The following ZPBP variants were observed in gnomAD, a reference collection of about 807,000 sequenced individuals.
The protein encoded by ZPBP is zona pellucida-binding protein 1.
A neutral mutation model predicts 44.8 loss-of-function variants in ZPBP; 26 were observed. The observed-to-expected ratio is 0.58, with a 90% CI of 0.43 to 0.81. The LOEUF (loss-of-function observed/expected upper bound fraction) is 0.81. Among genes scored for constraint, ZPBP ranks in the 30% least tolerant of loss-of-function variants. The pLI, the probability that ZPBP is intolerant of heterozygous loss-of-function variation, is 0.00. For synonymous variants in ZPBP, 174 were observed against 153.2 expected (o/e 1.14, Z -1.00); for missense variants, 409 against 434.0 (o/e 0.94, Z 0.51).
chr7:49,847,593 A>C (rs1209402150), downstream of ZPBP, among the ~76,000 whole-genome samples: 1 of 152,372 alleles, frequency 6.6e-6, no homozygotes, highest in East Asian at 1.9e-4. Context: ...ATATCCCAAG[A>C]GAAGAGGGTG....
At chr7:49,877,481 A>AAAAAAATATATAT in intron 2 of ZPBP, among the ~76,000 whole-genome samples, 1 of 12,722 alleles carries the variant, frequency 7.9e-5, no homozygotes, top group African/African-American at 2.8e-4. Flanking sequence ...AAAAAAAAAA[A>AAAAAAATATATAT]ATATATATAT....
downstream of ZPBP, among the ~76,000 whole-genome samples, chr7:49,846,707 G>A (rs1789956573): frequency 1.3e-5 from 2 of 152,162 alleles, no homozygotes; most frequent in South Asian, 2.1e-4. Flanking sequence ...AAAGAGCAAA[G>A]AGCAGATAAT....
intron 3 of ZPBP, among the ~76,000 whole-genome samples, chr7:50,080,896 C>A (rs552969424): frequency 6.6e-6 from 1 of 151,716 alleles, no homozygotes; most frequent in African/African-American, 2.4e-5. Flanking sequence ...CCTAGCACAG[C>A]GGCTTCCACC....
chr7:50,021,832 C>CTG (rs1477942530), intron 5 of ZPBP, among the ~76,000 whole-genome samples: 1 of 152,122 alleles, frequency 6.6e-6, no homozygotes, highest in Non-Finnish European at 1.5e-5. Flanking sequence ...ATGCCTTGCC[C>CTG]TGTGCATCTT....
In ZPBP at chr7:49,857,330, A is replaced by G. The variant is rs188325853; in HGVS notation, n.510-6816T>C. The stretch of plus-strand genomic sequence containing the variant: ...TTTTTCCACTAAGCATAATGTCCTC[A>G]AGGTTCCTCTGTGTTGTCACAAATG... On this transcript the variant is annotated intron_variant and non_coding_transcript_variant, in intron 2 of 2. Coordinates refer to the ZPBP transcript ENST00000465922. 4.8e-3 allele frequency among the ~76,000 whole-genome samples: 737 copies of G among 152,314 alleles called. 1 individual carries two copies. The highest frequency in any genetic ancestry group is 0.01 in the Middle Eastern group (3 of 294).
At chr7:49,950,892 A>G (rs1184564859) in intron 7 of ZPBP, among the ~76,000 whole-genome samples, 2 of 151,902 alleles carry the variant, frequency 1.3e-5, no homozygotes, top group African/African-American at 4.8e-5. Context: ...TGGTACTAAC[A>G]TAAGGAAATG....
chr7:49,854,247 G>A (rs1158084317), intron 2 of ZPBP, among the ~76,000 whole-genome samples: 1 of 152,012 alleles, frequency 6.6e-6, no homozygotes, highest in Admixed American at 6.6e-5. Context: ...GGATGGCTGG[G>A]TCAAATGGTA....
chr7:50,018,102 G>A lies in ZPBP; in HGVS notation c.783+138C>T, dbSNP rs1798903882. 3.7e-5 allele frequency: 24 copies of A among 648,220 alleles called. 1 individual carries two copies. In the South Asian group the frequency reaches 4.2e-4, roughly 11 times the overall value. 40.2% of individuals were successfully genotyped at this position (648,220 alleles called of 1,614,324 possible). ...ATTAATGTCTTATCTTTTATTAGTG[G>A]GTAAAGTTTTATTTTTATTGTTGAA... On this transcript the variant is annotated intron_variant, in intron 6 of 7. Transcript: ENST00000046087.
At chr7:49,857,531 G>A (rs775084014) in intron 2 of ZPBP, among the ~76,000 whole-genome samples, 4 of 152,118 alleles carry the variant, frequency 2.6e-5, no homozygotes, top group Admixed American at 2.0e-4. Flanking sequence ...ACAGATGGCC[G>A]ACAGGTAGAA....
At chr7:49,956,490 T>A (rs1795600773) in intron 7 of ZPBP, among the ~76,000 whole-genome samples, 1 of 152,116 alleles carries the variant, frequency 6.6e-6, no homozygotes, top group African/African-American at 2.4e-5. Context: ...TGTTTCTAAG[T>A]ACTAGCAATA....
At chr7:49,990,906 C>G (rs1797541886) in intron 6 of ZPBP, among the ~76,000 whole-genome samples, 1 of 152,086 alleles carries the variant, frequency 6.6e-6, no homozygotes, top group African/African-American at 2.4e-5. Flanking sequence ...AACAAGAAGG[C>G]AGCAACTAGC....
At chr7:50,073,186 T>C (rs1026794928) in intron 3 of ZPBP, among the ~76,000 whole-genome samples, 1 of 152,036 alleles carries the variant, frequency 6.6e-6, no homozygotes, top group Non-Finnish European at 1.5e-5. Context: ...CAATTCATAA[T>C]TAGATATATT....
chr7:49,950,206 A>G (rs1353946722), intron 7 of ZPBP, among the ~76,000 whole-genome samples: 1 of 151,978 alleles, frequency 6.6e-6, no homozygotes, highest in African/African-American at 2.4e-5. Context: ...AAGTAGAAAC[A>G]AATTTCACAC....
the ZPBP span, among the ~76,000 whole-genome samples, chr7:49,842,301 G>C: frequency 6.6e-6 from 1 of 152,040 alleles, no homozygotes; most frequent in Non-Finnish European, 1.5e-5. Context: ...TTATCATTCA[G>C]GAAATAAAAA....
intron 2 of ZPBP, among the ~76,000 whole-genome samples, chr7:49,860,351 T>C (rs1370616244): frequency 6.6e-6 from 1 of 152,226 alleles, no homozygotes. Flanking sequence ...ACTCATTCAA[T>C]ATTTGTCCTT....
chr7:49,975,331 C>T (rs1796462076), intron 7 of ZPBP, among the ~76,000 whole-genome samples: 1 of 152,158 alleles, frequency 6.6e-6, no homozygotes, highest in African/African-American at 2.4e-5. Flanking sequence ...GGTCCGGGAG[C>T]AAGTTTGGTA....
rs188939458 is a variant in ZPBP at position 49,924,352 on chromosome 7, T to G, written n.411+11399A>C. 9.9e-4 allele frequency among the ~76,000 whole-genome samples: 150 copies of G among 152,172 alleles called. 1 individual carries two copies. The highest frequency in any genetic ancestry group is 3.0e-3 in the Admixed American group (46 of 15,284). On this transcript the variant is annotated intron_variant and non_coding_transcript_variant, in intron 1 of 2. Transcript: ENST00000465922. Reference sequence around the variant, plus strand: ...TAGGAAACAGGTGCATAATTCTTCATGAAAAAATTACAAAATACAAGCATG... The same window carrying G: ...TAGGAAACAGGTGCATAATTCTTCAGGAAAAAATTACAAAATACAAGCATG...
chr7:49,867,290 A>T (rs1790937678), intron 2 of ZPBP, among the ~76,000 whole-genome samples: 1 of 152,216 alleles, frequency 6.6e-6, no homozygotes, highest in South Asian at 2.1e-4. Flanking sequence ...AGATTTTTTC[A>T]TTCCTGAAGA....
Position 50,093,230 on chromosome 7 carries a change from G to A in ZPBP, c.-36C>T, listed in dbSNP as rs899857489. 16 of 1,499,302 alleles carry A rather than the reference G, an allele frequency of 1.1e-5. 1 individual carries two copies. The Admixed American group carries it at 1.3e-4, about 12-fold the overall frequency. The allele number at this position is 1,499,302 out of a possible 1,614,324, so 92.9% of individuals were successfully genotyped here. A position where few individuals can be genotyped will look rare whatever the true frequency, so the allele number is the denominator to read the frequency against. On this transcript the variant is annotated 5_prime_UTR_variant, in exon 1 of 8. Transcript: ENST00000046087. ...CCGTCGCCTGCCCACCGTCCGCGCG[G>A]AAGGTCGTTAGGCAACGCGCGCCCA...
Sources: gnomAD v4.1 joint callset for allele counts (sites outside exome capture counted in the v4.1 genomes callset) on GRCh38, gnomAD v4.1.1 for gene constraint, MANE v1.5 for transcripts, NCBI Gene and HGNC (gene_info 2026-07-23, HGNC 2026-07-21) for gene names.